Variants in LEPR observed in about 807,000 individuals in gnomAD.
LEPR encodes the protein leptin receptor, also known as OB receptor.
LEPR carries 56 observed loss-of-function variants against 114.7 expected under a neutral mutation model. The observed-to-expected ratio is 0.49, with a 90% CI of 0.39 to 0.61. The LOEUF is 0.61. Ranked by LOEUF, LEPR falls within the 20% of genes least tolerant of loss-of-function variation. The pLI, the probability that LEPR is intolerant of heterozygous loss-of-function variation, is 0.00. For synonymous variants in LEPR, 443 were observed against 461.4 expected, an observed-to-expected ratio of 0.96 and a Z score of 0.51; for missense variants, 1,202 against 1,352.9, an observed-to-expected ratio of 0.89 and a Z score of 1.75.
chr1:65,636,850 G>A lies in LEPR; in HGVS notation c.3333G>A (p.Thr1111=), dbSNP rs147177319. ...SCPFPAPCLF[T]DIRVLQDSCS... ...CATTCCCAGCCCCCTGTTTATTCAC[G>A]GACATCAGAGTTCTCCAGGACAGTT... is the stretch of plus-strand genomic sequence containing the variant. The change falls in exon 20 of 20, where the codon ACG becomes ACA. Residue 1111 remains threonine, a synonymous_variant. Transcript: ENST00000349533. 2.9e-5 allele frequency: 47 copies of A among 1,612,014 alleles called. No homozygotes were observed. The highest frequency in any genetic ancestry group is 3.9e-5 in the Non-Finnish European group (46 of 1,179,346).
chr1:65,590,216 C>T (rs1326162806), intron 5 of LEPR, among the ~76,000 whole-genome samples: 4 of 116,054 alleles, frequency 3.4e-5, no homozygotes, highest in Non-Finnish European at 7.2e-5. Context: ...TCTGTTTCAT[C>T]AGTTATCCAA....
intron 2 of LEPR, among the ~76,000 whole-genome samples, chr1:65,470,588 A>G (rs78661848): frequency 0.074 from 11,240 of 152,240 alleles, 508 homozygotes; most frequent in African/African-American, 0.12. Context: ...CCCTTCCTAA[A>G]TAAGCAAACA....
chr1:65,443,303 C>G (rs1038304205), intron 2 of LEPR, among the ~76,000 whole-genome samples: 1 of 152,046 alleles, frequency 6.6e-6, no homozygotes, highest in Non-Finnish European at 1.5e-5. Flanking sequence ...CCAATAATCC[C>G]AGCATTTTGG....
chr1:65,626,120 C>G (rs1658195633), intron 19 of LEPR: 1 of 1,611,688 alleles, frequency 6.2e-7, no homozygotes, highest in African/African-American at 1.3e-5. Flanking sequence ...TTCCCTTTTC[C>G]AGAAAATGCC....
In LEPR at chr1:65,526,976, A is replaced by G. The variant is rs899071207; in HGVS notation, c.-20-38570A>G. 9.8e-5 allele frequency among the ~76,000 whole-genome samples: 15 copies of G among 152,346 alleles called. No individual in the cohort carries two copies. In the South Asian group the frequency reaches 2.1e-3, roughly 21 times the overall value. On this transcript the variant is annotated intron_variant, in intron 2 of 19. Coordinates refer to ENST00000349533, the MANE Select transcript of LEPR (RefSeq NM_002303.6). ...GGTATAGAGAAAAACATGTATAAAGAGCTCAGAAACATATAGATTTATATG... is the reference window on the plus strand; with the variant it reads ...GGTATAGAGAAAAACATGTATAAAGGGCTCAGAAACATATAGATTTATATG...
chr1:65,431,540 G>A (rs759479727), intron 2 of LEPR, among the ~76,000 whole-genome samples: 1 of 152,102 alleles, frequency 6.6e-6, no homozygotes, highest in African/African-American at 2.4e-5. Flanking sequence ...TTTACTTAAG[G>A]CAATCATTGT....
intron 10 of LEPR, among the ~76,000 whole-genome samples, chr1:65,604,556 A>G (rs1360126375): frequency 6.6e-6 from 1 of 152,094 alleles, no homozygotes; most frequent in Non-Finnish European, 1.5e-5. Flanking sequence ...GGCTCAAGTG[A>G]TCAGCCCGCC....
intron 2 of LEPR, among the ~76,000 whole-genome samples, chr1:65,508,391 A>T (rs1648865764): frequency 1.3e-5 from 2 of 152,112 alleles, no homozygotes; most frequent in Admixed American, 1.3e-4. Context: ...GTACATTTTG[A>T]TTATTCTTCA....
intron 1 of LEPR, among the ~76,000 whole-genome samples, chr1:65,423,175 G>C (rs367849650): frequency 1.6e-4 from 25 of 152,262 alleles, no homozygotes; most frequent in African/African-American, 6.0e-4. Flanking sequence ...CCAGACTGGA[G>C]GTGGAAGTAC....
chr1:65,481,703 G>T (rs1647244975), intron 2 of LEPR, among the ~76,000 whole-genome samples: 1 of 151,690 alleles, frequency 6.6e-6, no homozygotes, highest in Non-Finnish European at 1.5e-5. Flanking sequence ...AATATGTATA[G>T]GAATTAATAC....
intron 2 of LEPR, chr1:65,433,998 A>C (rs1418899988): frequency 1.4e-5 from 14 of 985,222 alleles, no homozygotes; most frequent in Non-Finnish European, 1.4e-5. Context: ...AGATGGCAAT[A>C]ATGATTCATT....
chr1:65,581,024 C>T (rs1156971952), intron 5 of LEPR, among the ~76,000 whole-genome samples: 2 of 152,148 alleles, frequency 1.3e-5, no homozygotes, highest in African/African-American at 4.8e-5. Context: ...TAACTACTAA[C>T]ACCTACTTTA....
chr1:65,540,293 G>A lies in LEPR; in HGVS notation c.-20-25253G>A, dbSNP rs74518631. The stretch of plus-strand genomic sequence containing the variant: ...TCATTAGTCTTTGCTAATTGATATG[G>A]TTTGGATATTTGTCCCCTCCAAATC... On this transcript the variant is annotated intron_variant, in intron 2 of 19. Transcript: ENST00000349533. 6.3e-3 allele frequency among the ~76,000 whole-genome samples: 956 copies of A among 152,180 alleles called. 7 individuals carry two copies. The highest frequency in any genetic ancestry group is 0.022 in the African/African-American group (906 of 41,496).
intron 2 of LEPR, among the ~76,000 whole-genome samples, chr1:65,500,032 C>T (rs1648364084): frequency 6.6e-6 from 1 of 152,056 alleles, no homozygotes; most frequent in Non-Finnish European, 1.5e-5. Context: ...GCATGCTGCT[C>T]TCATAATAGT....
At chr1:65,543,166 A>C (rs1289557515) in intron 2 of LEPR, among the ~76,000 whole-genome samples, 1 of 152,014 alleles carries the variant, frequency 6.6e-6, no homozygotes, top group African/African-American at 2.4e-5. Context: ...AACTGACATC[A>C]GATGGTATCT....
At chr1:65,481,042 G>T (rs1647223307) in intron 2 of LEPR, among the ~76,000 whole-genome samples, 1 of 152,186 alleles carries the variant, frequency 6.6e-6, no homozygotes, top group Non-Finnish European at 1.5e-5. Flanking sequence ...TAAGATCAAG[G>T]TGTTGGTAGG....
intron 2 of LEPR, among the ~76,000 whole-genome samples, chr1:65,487,877 CTTTCTTTCTTTCTTTCCT>C (rs910575817): frequency 1.7e-3 from 255 of 151,228 alleles, no homozygotes; most frequent in African/African-American, 5.9e-3. Context: ...CACTCTTTTT[CTTTCTTTCTTTCTTTCCT>C]TTTCTTTCTT....
Position 65,640,396 on chromosome 1 carries a change from C to T in LEPR, c.*3381C>T, listed in dbSNP as rs1214877569. 1 of 152,158 alleles carries T rather than the reference C, an allele frequency of 6.6e-6. No individual in the cohort carries two copies. The highest frequency in any genetic ancestry group is 1.9e-4 in the East Asian group (1 of 5,198). 9.4% of individuals were successfully genotyped at this position (152,158 alleles called of 1,614,324 possible). ...TTTCAAGGGTCATCTTGATAGTTACCTTAACAAACCTTTCTCAGCTATTTA... is the reference window on the plus strand; with the variant it reads ...TTTCAAGGGTCATCTTGATAGTTACTTTAACAAACCTTTCTCAGCTATTTA... On this transcript the variant is annotated 3_prime_UTR_variant, in exon 20 of 20. Coordinates refer to ENST00000349533, the MANE Select transcript of LEPR (RefSeq NM_002303.6).
chr1:65,584,167 G>A (rs558881329), intron 5 of LEPR, among the ~76,000 whole-genome samples: 9 of 151,900 alleles, frequency 5.9e-5, no homozygotes, highest in Non-Finnish European at 8.8e-5. Context: ...TACTGAAATC[G>A]TCTTTCTTTC....
Sources: gnomAD v4.1 joint callset for allele counts (sites outside exome capture counted in the v4.1 genomes callset) on GRCh38, gnomAD v4.1.1 for gene constraint, MANE v1.5 for transcripts, NCBI Gene and HGNC (gene_info 2026-07-23, HGNC 2026-07-21) for gene names.